Variants in PLA2G5 observed in about 807,000 individuals in gnomAD.
The protein encoded by PLA2G5 is Ca2+-dependent phospholipase A2.
PLA2G5 carries 12 observed loss-of-function variants against 15.9 expected under a neutral mutation model. That is an observed-to-expected ratio of 0.76 (90% CI 0.48 to 1.23). The LOEUF is 1.23. Ranked by LOEUF, PLA2G5 falls within the 50% of genes most tolerant of loss-of-function variation. The pLI, the probability that PLA2G5 is intolerant of heterozygous loss-of-function variation, is 0.00. For missense variants in PLA2G5, 169 were observed against 177.1 expected, an observed-to-expected ratio of 0.95 and a Z score of 0.26; for synonymous variants, 71 against 71.4, an observed-to-expected ratio of 0.99 and a Z score of 0.03.
chr1:20,079,915 G>A (rs1049790640), intron 1 of PLA2G5, among the ~76,000 whole-genome samples: 4 of 152,202 alleles, frequency 2.6e-5, no homozygotes, highest in African/African-American at 9.6e-5. Context: ...CCACCTGGAC[G>A]TGGCAGGCAA....
chr1:20,035,707 T>C (rs2013206867), intron 1 of PLA2G5, among the ~76,000 whole-genome samples: 1 of 152,218 alleles, frequency 6.6e-6, no homozygotes, highest in South Asian at 2.1e-4. Flanking sequence ...AGCATATAGG[T>C]CATTTAAACA....
At chr1:20,068,747 G>A (rs141528330), upstream of PLA2G5, 658 of 331,542 alleles carry the variant, frequency 2.0e-3, 1 homozygote, top group African/African-American at 0.013. Flanking sequence ...CCCCACGCCC[G>A]GCCAAAAGTT....
intron 1 of PLA2G5, among the ~76,000 whole-genome samples, chr1:20,055,155 A>G (rs1362243512): frequency 6.6e-6 from 1 of 152,174 alleles, no homozygotes; most frequent in Non-Finnish European, 1.5e-5. Context: ...TCCTGATGGC[A>G]TTTCAATCTG....
intron 1 of PLA2G5, among the ~76,000 whole-genome samples, chr1:20,040,214 A>G (rs2013516559): frequency 6.6e-6 from 1 of 152,166 alleles, no homozygotes; most frequent in Non-Finnish European, 1.5e-5. Context: ...GTCCTTTGCT[A>G]TACCCAGGCA....
intron 1 of PLA2G5, among the ~76,000 whole-genome samples, chr1:20,077,806 G>A (rs756275750): frequency 2.0e-5 from 3 of 152,186 alleles, no homozygotes; most frequent in Admixed American, 1.3e-4. Flanking sequence ...TCTCTCCTAC[G>A]TTGGATCTTG....
At chr1:20,085,467 A>G (rs2016240662) in intron 2 of PLA2G5, among the ~76,000 whole-genome samples, 1 of 152,142 alleles carries the variant, frequency 6.6e-6, no homozygotes, top group Admixed American at 6.5e-5. Flanking sequence ...GAAACCCTGG[A>G]CAGGGCACCT....
intron 1 of PLA2G5, among the ~76,000 whole-genome samples, chr1:20,029,419 C>T (rs2012775109): frequency 1.3e-5 from 2 of 152,194 alleles, no homozygotes; most frequent in Non-Finnish European, 2.9e-5. Flanking sequence ...TGATATGCTC[C>T]TCTCAAGGTC....
upstream of PLA2G5, among the ~76,000 whole-genome samples, chr1:20,068,311 G>A (rs769076033): frequency 2.0e-5 from 3 of 152,008 alleles, no homozygotes; most frequent in Admixed American, 6.6e-5. Context: ...GTAAAACCCC[G>A]AAATTTAGAA....
intron 1 of PLA2G5, among the ~76,000 whole-genome samples, chr1:20,080,470 T>C (rs1569811164): frequency 6.6e-6 from 1 of 152,062 alleles, no homozygotes; most frequent in Admixed American, 6.5e-5. Context: ...TAATCCTAGA[T>C]ACTTAGGAGG....
At chr1:20,060,275 A>T (rs2014653171) in intron 2 of PLA2G5, among the ~76,000 whole-genome samples, 1 of 75,588 alleles carries the variant, frequency 1.3e-5, no homozygotes, top group Non-Finnish European at 2.5e-5. Context: ...TTTTTTTGAG[A>T]CAGAGTCTCA....
upstream of PLA2G5, among the ~76,000 whole-genome samples, chr1:20,068,076 C>A (rs530771241): frequency 1.9e-3 from 293 of 152,160 alleles, no homozygotes; most frequent in African/African-American, 6.8e-3. Context: ...CAAGATCGTG[C>A]CATTGCACTC....
intron 1 of PLA2G5, among the ~76,000 whole-genome samples, chr1:20,043,830 G>A (rs1478715414): frequency 2.0e-5 from 3 of 152,192 alleles, no homozygotes; most frequent in East Asian, 3.8e-4. Flanking sequence ...AATGTGGAGA[G>A]GGTAGCCCCC....
At chr1:20,069,004 G>A (rs10916703), upstream of PLA2G5, 72,647 of 1,164,286 alleles carry the variant, frequency 0.062, 3,324 homozygotes, top group African/African-American at 0.23. Flanking sequence ...CAGACCATTC[G>A]TTGAAGAAGA....
chr1:20,076,782 T>C (rs1000836215), intron 1 of PLA2G5: 4 of 152,268 alleles, frequency 2.6e-5, no homozygotes, highest in Non-Finnish European at 5.9e-5. Context: ...GTGGACAGCA[T>C]ATCAGATGAG....
upstream of PLA2G5, among the ~76,000 whole-genome samples, chr1:20,066,515 C>G (rs1201821649): frequency 6.6e-6 from 1 of 152,222 alleles, no homozygotes; most frequent in Non-Finnish European, 1.5e-5. Context: ...TTGGCAGACT[C>G]TACAAATCAG....
chr1:20,042,363 AG>A (rs1275616079), intron 1 of PLA2G5, among the ~76,000 whole-genome samples: 1 of 152,178 alleles, frequency 6.6e-6, no homozygotes, highest in African/African-American at 2.4e-5. Context: ...TGGATCAGAG[AG>A]ATACAGCCGT....
intron 1 of PLA2G5, among the ~76,000 whole-genome samples, chr1:20,084,403 C>G (rs984511571): frequency 6.6e-6 from 1 of 152,148 alleles, no homozygotes; most frequent in Middle Eastern, 3.2e-3. Flanking sequence ...TGCTCTCTGT[C>G]CAGGAATTTT....
upstream of PLA2G5, among the ~76,000 whole-genome samples, chr1:20,065,588 G>C (rs974352606): frequency 2.6e-5 from 4 of 152,074 alleles, no homozygotes; most frequent in African/African-American, 9.7e-5. Context: ...TGATTTGATA[G>C]CTTATTTCTT....
chr1:20,061,412 G>A lies in PLA2G5; in HGVS notation n.337+1720G>A, dbSNP rs191310833. Among the ~76,000 whole-genome samples the A allele has an allele frequency of 6.6e-5, 10 of 151,762 alleles. No individual in the cohort carries two copies. In the East Asian group the frequency reaches 1.4e-3, roughly 21 times the overall value. Reference sequence around the variant, plus strand: ...TCAGCTTGGGCAACCTAGGGAGACCGCATCTTTAGAAACAAAATTAAAAAT... The same window carrying A: ...TCAGCTTGGGCAACCTAGGGAGACCACATCTTTAGAAACAAAATTAAAAAT... On this transcript the variant is annotated intron_variant and non_coding_transcript_variant, in intron 2 of 6. Coordinates refer to the PLA2G5 transcript ENST00000460175.
Sources: gnomAD v4.1 joint callset for allele counts (sites outside exome capture counted in the v4.1 genomes callset) on GRCh38, gnomAD v4.1.1 for gene constraint, MANE v1.5 for transcripts, NCBI Gene and HGNC (gene_info 2026-07-23, HGNC 2026-07-21) for gene names.